The following BLM variants were observed in gnomAD, a reference collection of about 807,000 sequenced individuals.
BLM encodes BLM RecQ like helicase.
A neutral mutation model predicts 135.3 loss-of-function variants in BLM; 95 were observed. The ratio of observed to expected loss-of-function variants is 0.70; its 90% CI spans 0.59 to 0.83. The LOEUF is 0.83. Ranked by LOEUF, BLM falls within the 40% of genes least tolerant of loss-of-function variation. The pLI, the probability that BLM is intolerant of heterozygous loss-of-function variation, is 0.00. For missense variants in BLM, 1,518 were observed against 1,663.9 expected (o/e 0.91, Z 1.53); for synonymous variants, 520 against 589.2 (o/e 0.88, Z 1.70).
chr15:90,751,774 T>G lies in BLM; in HGVS notation c.800-13T>G, dbSNP rs1293539922. ...GGTTAACAAATCTATGTTTATCAAC[T>G]GTTTTACTGTAGATAATAGCGAAAA... is the stretch of plus-strand genomic sequence containing the variant. On this transcript the variant is annotated splice_polypyrimidine_tract_variant and intron_variant, in intron 3 of 21. Transcript: ENST00000355112. 4 of 1,603,162 alleles carry G rather than the reference T, an allele frequency of 2.5e-6. No homozygotes were observed. The highest frequency in any genetic ancestry group is 3.4e-6 in the Non-Finnish European group (4 of 1,170,672).
In BLM at chr15:90,750,001, G is replaced by A. The variant is rs772711706; in HGVS notation, c.733G>A (p.Glu245Lys). 1.2e-6 allele frequency: 2 copies of A among 1,614,178 alleles called. No individual in the cohort carries two copies. ...TTGCATCGATGATGGCCCCATTGCTGAAGTGCATATAAATGAAGATGCTCA... is the reference window on the plus strand; with the variant it reads ...TTGCATCGATGATGGCCCCATTGCTAAAGTGCATATAAATGAAGATGCTCA... ...VICIDDGPIA[E>K]VHINEDAQES... is the part of the protein sequence containing the mutation. The change falls in exon 3 of 22, where the codon GAA becomes AAA. Residue 245 changes from glutamate to lysine, a missense_variant. By Grantham distance (56) the Glu-to-Lys change is moderately conservative. Around this residue, in one of 5 missense-constraint regions of BLM, gnomAD observed 724 missense variants for 756.9 expected, o/e 0.96. Transcript: ENST00000355112.
chr15:90,794,286 G>T lies in BLM; in HGVS notation c.3139G>T (p.Glu1047Ter). Residue 1047 changes from glutamate to a stop codon, truncating the protein, a stop_gained, in exon 16 of 22, where the codon GAA (glutamate) becomes TAA (stop). Transcript: ENST00000355112. LOFTEE classifies it high-confidence loss of function. Reference protein sequence around the residue: ...RRIQLLAYFGENGFNPDFCKK... With the variant: ...RRIQLLAYFG Reference sequence around the variant, plus strand: ...AATACAGCTTTTGGCCTACTTTGGTGAAAATGGATTTAATCCTGATTTTTG... The same window carrying T: ...AATACAGCTTTTGGCCTACTTTGGTTAAAATGGATTTAATCCTGATTTTTG... 6.2e-7 allele frequency: 1 copy of T among 1,607,034 alleles called. No homozygotes were observed. The highest frequency in any genetic ancestry group is 1.3e-5 in the African/African-American group (1 of 74,964).
Position 90,769,605 on chromosome 15 carries a change from C to T in BLM, c.2555+19C>T, listed in dbSNP as rs769922498. 7 of 1,611,892 alleles carry T rather than the reference C, an allele frequency of 4.3e-6. No homozygotes were observed. The highest frequency in any genetic ancestry group is 1.1e-5 in the South Asian group (1 of 90,934). ...CTCAGGTGTAAGTTGTTGCACGTCA[C>T]GTATTTGAGAACCCTGGGGCAGTGA... On this transcript the variant is annotated intron_variant, in intron 12 of 21. Coordinates refer to ENST00000355112, the MANE Select transcript of BLM (RefSeq NM_000057.4).
intron 12 of BLM, among the ~76,000 whole-genome samples, chr15:90,774,131 G>A (rs1439905700): frequency 7.1e-6 from 1 of 141,802 alleles, no homozygotes; most frequent in African/African-American, 2.7e-5. Context: ...CTGGAGTGCA[G>A]TGGTGCAATC....
At chr15:90,769,264 A>G (rs1191762428) in intron 11 of BLM, 33 bp downstream of exon 11, 2 of 1,558,572 alleles carry the variant, frequency 1.3e-6, no homozygotes, top group African/African-American at 2.7e-5. Context: ...GGAAATACCG[A>G]TAAATACATA....
At chr15:90,720,251 C>G (rs1894730029) in intron 1 of BLM, among the ~76,000 whole-genome samples, 1 of 152,124 alleles carries the variant, frequency 6.6e-6, no homozygotes, top group East Asian at 1.9e-4. Flanking sequence ...ATGCCTGGCA[C>G]AGAGTAGTCA....
At chr15:90,778,711 C>T (rs1222704405) in intron 12 of BLM, among the ~76,000 whole-genome samples, 1 of 152,172 alleles carries the variant, frequency 6.6e-6, no homozygotes, top group Non-Finnish European at 1.5e-5. Context: ...ACGTCTACGA[C>T]ATTTTATTCA....
intron 1 of BLM, among the ~76,000 whole-genome samples, 187 bp from the exon 2 acceptor site, chr15:90,747,202 G>A (rs1895523495): frequency 8.1e-6 from 1 of 124,156 alleles, no homozygotes; most frequent in Non-Finnish European, 1.6e-5. Context: ...TATTTCAAGT[G>A]TCACTAGTTG....
Position 90,794,201 on chromosome 15 carries a change from T to C in BLM, c.3054T>C (p.Thr1018=). 1 of 1,605,856 alleles carries C rather than the reference T, an allele frequency of 6.2e-7. No individual in the cohort carries two copies. The highest frequency in any genetic ancestry group is 8.5e-7 in the Non-Finnish European group (1 of 1,175,044). Residue 1018 remains threonine, a synonymous_variant, in exon 16 of 22, where the codon ACT becomes ACC. Transcript: ENST00000355112. The stretch of plus-strand genomic sequence containing the variant: ...ATGGAAACCATCATACAAGAGAAAC[T>C]CACTTCAATAATTTGTATAGCATGG... ...EKDGNHHTRE[T]HFNNLYSMVH...
chr15:90,771,492 C>CA (rs1228196177), intron 12 of BLM, among the ~76,000 whole-genome samples: 4 of 145,508 alleles, frequency 2.7e-5, no homozygotes, highest in Non-Finnish European at 6.1e-5. Flanking sequence ...GTCTCAAAAA[C>CA]AAAAAACAAA....
At chr15:90,735,235 TAATATATATA>T (rs1189141512) in intron 1 of BLM, among the ~76,000 whole-genome samples, 1 of 56,346 alleles carries the variant, frequency 1.8e-5, no homozygotes, top group Non-Finnish European at 3.3e-5. Context: ...GTGCCTAAGT[TAATATATATA>T]TATATATATA....
chr15:90,745,324 T>A (rs1895471293), intron 1 of BLM, among the ~76,000 whole-genome samples: 2 of 152,150 alleles, frequency 1.3e-5, no homozygotes, highest in Admixed American at 6.5e-5. Flanking sequence ...TGAAAAAAAA[T>A]TCATCACTAT....
intron 16 of BLM, among the ~76,000 whole-genome samples, chr15:90,796,366 T>C (rs1172708184): frequency 2.6e-5 from 4 of 152,078 alleles, no homozygotes. Flanking sequence ...AAGTATGAAA[T>C]AGTTGTCTAG....
chr15:90,751,218 T>C (rs1424889025), intron 3 of BLM, among the ~76,000 whole-genome samples: 1 of 152,140 alleles, frequency 6.6e-6, no homozygotes, highest in East Asian at 1.9e-4. Context: ...CTGAATCCCA[T>C]TAAGGTTACT....
At chr15:90,778,456 TGCCAGA>T (rs1896533497) in intron 12 of BLM, among the ~76,000 whole-genome samples, 1 of 152,190 alleles carries the variant, frequency 6.6e-6, no homozygotes, top group African/African-American at 2.4e-5. Context: ...GTACAACCAT[TGCCAGA>T]GTTTTAGAAC....
At chr15:90,772,515 C>G (rs1051746797) in intron 12 of BLM, among the ~76,000 whole-genome samples, 1 of 152,200 alleles carries the variant, frequency 6.6e-6, no homozygotes, top group East Asian at 1.9e-4. Context: ...GTAGGTACTC[C>G]TATTTTCCTC....
At chr15:90,731,597 A>G (rs993610126) in intron 1 of BLM, among the ~76,000 whole-genome samples, 7 of 152,198 alleles carry the variant, frequency 4.6e-5, no homozygotes, top group African/African-American at 1.7e-4. Context: ...GTGAGTTTTG[A>G]TAAGTTAATT....
At chr15:90,813,633 C>G (rs1050727883) in intron 21 of BLM, among the ~76,000 whole-genome samples, 2 of 152,194 alleles carry the variant, frequency 1.3e-5, no homozygotes, top group African/African-American at 2.4e-5. Flanking sequence ...AGGTGATCTA[C>G]CCACCTTGGC....
chr15:90,792,122 G>A (rs376697867), intron 15 of BLM, among the ~76,000 whole-genome samples: 7 of 133,686 alleles, frequency 5.2e-5, no homozygotes, highest in Admixed American at 8.4e-5. Context: ...ACGGAGTCTC[G>A]CTCTTGTTGC....
Sources: allele counts gnomAD v4.1 joint callset (sites outside exome capture counted in the v4.1 genomes callset), GRCh38; gene constraint gnomAD v4.1.1; regional missense constraint gnomAD v4.1.1; transcripts MANE v1.5; gene names NCBI Gene and HGNC (gene_info 2026-07-23, HGNC 2026-07-21).